CNTLN: variants seen among roughly 807,000 people sequenced by gnomAD.
CNTLN encodes the protein centlein, centrosomal protein.
CNTLN carries 212 observed loss-of-function variants against 180.0 expected under a neutral mutation model. The observed-to-expected ratio is 1.18, with a 90% confidence interval of 1.05 to 1.32. The LOEUF (loss-of-function observed/expected upper bound fraction) is 1.32, where lower values mean the gene tolerates loss of function less well. Among genes scored for constraint, CNTLN ranks in the 40% most tolerant of loss-of-function variants. The pLI is 0.00. For missense variants in CNTLN, 2,095 were observed against 1,610.9 expected (o/e 1.30, Z -5.14); for synonymous variants, 722 against 563.1 (o/e 1.28, Z -3.99).
At chr9:17,482,905 C>A (rs934566961) in intron 23 of CNTLN, among the ~76,000 whole-genome samples, 1 of 151,806 alleles carries the variant, frequency 6.6e-6, no homozygotes, top group African/African-American at 2.4e-5. Flanking sequence ...AAAATTTTAA[C>A]TGAAAAATAA....
chr9:17,362,291 TTAAA>T (rs1286450559), intron 12 of CNTLN, among the ~76,000 whole-genome samples: 1 of 152,140 alleles, frequency 6.6e-6, no homozygotes, highest in East Asian at 1.9e-4. Context: ...TTCCACGTTC[TTAAA>T]TAAACAAATC....
At chr9:17,250,580 T>G (rs1826078688) in intron 5 of CNTLN, among the ~76,000 whole-genome samples, 1 of 152,102 alleles carries the variant, frequency 6.6e-6, no homozygotes, top group Admixed American at 6.5e-5. Flanking sequence ...AAATTTGAAT[T>G]GATACAAAGT....
At chr9:17,135,474 G>A (rs369451931) in intron 1 of CNTLN, 49 bp downstream of exon 1, 1 of 1,541,488 alleles carries the variant, frequency 6.5e-7, no homozygotes, top group Non-Finnish European at 8.7e-7. Context: ...GCGGGGCCGG[G>A]ACCCGTGGGG....
At position 17,143,300 on chromosome 9, in the gene CNTLN, T is replaced by G. The variant is rs1818230325; in HGVS notation, c.373T>G (p.Phe125Val). 1 of 1,612,732 alleles carries G rather than the reference T, an allele frequency of 6.2e-7. No individual in the cohort carries two copies. Among genetic ancestry groups the G allele is most frequent in the Non-Finnish European group, 8.5e-7 (1 of 1,179,180 alleles). Residue 125 changes from phenylalanine to valine, a missense_variant, in exon 2 of 26, where the codon TTT (phenylalanine) becomes GTT (valine). Coordinates refer to ENST00000380647, the MANE Select transcript of CNTLN (RefSeq NM_017738.4). ...TTATTTCTTTAAGGCTGATAAAGAA[T>G]TTGTATGGTCTTTGTGGAAACGTCT... is the stretch of plus-strand genomic sequence containing the variant. ...ELALCQADKEFVWSLWKRLQV... is the reference protein window; with the variant it reads ...ELALCQADKEVVWSLWKRLQV...
chr9:17,308,390 G>A lies in CNTLN; in HGVS notation c.1147-668G>A, dbSNP rs191530456. On this transcript the variant is annotated intron_variant, in intron 7 of 25. Transcript: ENST00000380647. ...CATCCTCTTAATCCAGTATTGAAGAGCCTTTACATTCTTTCTACAGCCTTA... is the reference window on the plus strand; with the variant it reads ...CATCCTCTTAATCCAGTATTGAAGAACCTTTACATTCTTTCTACAGCCTTA... Among the ~76,000 whole-genome samples the A allele has an allele frequency of 1.8e-4, 27 of 152,100 alleles. No individual in the cohort carries two copies. In the East Asian group the frequency reaches 5.0e-3, roughly 28 times the overall value.
rs1473706658 is a variant in CNTLN, at chr9:17,273,898, T to C, written c.983+32T>C. 4.8e-6 allele frequency: 7 copies of C among 1,444,092 alleles called. No homozygotes were observed. The African/African-American group carries it at 5.9e-5, about 12-fold the overall frequency. 89.5% of individuals were successfully genotyped at this position (1,444,092 alleles called of 1,614,324 possible). A position where few individuals can be genotyped will look rare whatever the true frequency, so the allele number is the denominator to read the frequency against. On this transcript the variant is annotated intron_variant, in intron 6 of 25. Transcript: ENST00000380647. ...ATATTCAATTTTTAATTTAACATCA[T>C]AGAAATGTCATTAGTTATTCAGAAT...
chr9:17,453,395 A>T (rs918189839), intron 18 of CNTLN, among the ~76,000 whole-genome samples: 43 of 152,220 alleles, frequency 2.8e-4, no homozygotes, highest in Non-Finnish European at 8.8e-5. Context: ...AAATTAATCC[A>T]GAGTGAGAAT....
chr9:17,387,313 A>G lies in CNTLN; in HGVS notation c.1988-849A>G, dbSNP rs7027305. 1.6e-3 allele frequency among the ~76,000 whole-genome samples: 237 copies of G among 152,276 alleles called. 1 individual carries two copies. Among genetic ancestry groups the G allele is most frequent in the African/African-American group, 5.3e-3 (220 of 41,576 alleles). The stretch of plus-strand genomic sequence containing the variant: ...CAGATATATATCCTTTTAGTTTTAT[A>G]TATTCTTTTTTGTCCCCTTTTTATT... On this transcript the variant is annotated intron_variant, in intron 13 of 25. Transcript: ENST00000380647.
At chr9:17,487,457 C>G (rs1200536168) in intron 25 of CNTLN, among the ~76,000 whole-genome samples, 1 of 152,042 alleles carries the variant, frequency 6.6e-6, no homozygotes, top group African/African-American at 2.4e-5. Context: ...TTACTATGGA[C>G]CTGTTTCCAG....
At chr9:17,338,732 C>G (rs1446268605) in intron 10 of CNTLN, among the ~76,000 whole-genome samples, 1 of 152,020 alleles carries the variant, frequency 6.6e-6, no homozygotes, top group African/African-American at 2.4e-5. Flanking sequence ...ATATGAAAAA[C>G]TCAAGTTCAA....
intron 13 of CNTLN, among the ~76,000 whole-genome samples, chr9:17,386,621 C>T (rs1458139056): frequency 1.3e-5 from 2 of 151,902 alleles, no homozygotes; most frequent in Non-Finnish European, 1.5e-5. Context: ...CTGTATAAAC[C>T]GGTGAAGGGG....
In CNTLN at chr9:17,322,534, A is replaced by G. The variant is rs559218712; in HGVS notation, c.1342-8098A>G. On this transcript the variant is annotated intron_variant, in intron 8 of 25. Coordinates refer to ENST00000380647, the MANE Select transcript of CNTLN (RefSeq NM_017738.4). ...AAAATCTAGAAATTTAGCATATCTA[A>G]TGGAAACTGCAACTCAACTTTAACT... Among the ~76,000 whole-genome samples the G allele has an allele frequency of 3.9e-5, 6 of 152,300 alleles. 1 individual carries two copies. The highest frequency in any genetic ancestry group is 1.2e-4 in the African/African-American group (5 of 41,594).
chr9:17,402,420 C>T (rs1352420432), intron 15 of CNTLN, among the ~76,000 whole-genome samples: 1 of 151,688 alleles, frequency 6.6e-6, no homozygotes, highest in Admixed American at 6.6e-5. Context: ...CTATCTATAC[C>T]AAAAGACCAG....
chr9:17,295,447 C>G (rs993258931), intron 6 of CNTLN, among the ~76,000 whole-genome samples: 16 of 152,188 alleles, frequency 1.1e-4, no homozygotes, highest in Non-Finnish European at 1.8e-4. Flanking sequence ...TCGCATTACT[C>G]TGTGTGGCTC....
At chr9:17,474,650 CTT>C (rs1832231254) in intron 23 of CNTLN, among the ~76,000 whole-genome samples, 1 of 152,114 alleles carries the variant, frequency 6.6e-6, no homozygotes, top group Non-Finnish European at 1.5e-5. Context: ...GGGTGGATCA[CTT>C]GAAGCCAGGA....
chr9:17,479,340 A>C (rs889373662), intron 23 of CNTLN, among the ~76,000 whole-genome samples: 1 of 152,236 alleles, frequency 6.6e-6, no homozygotes, highest in Admixed American at 6.5e-5. Context: ...TGTATAAACA[A>C]CAATTGATTA....
chr9:17,136,959 C>G (rs970506503), intron 1 of CNTLN, among the ~76,000 whole-genome samples: 55 of 152,176 alleles, frequency 3.6e-4, no homozygotes, highest in African/African-American at 1.3e-3. Flanking sequence ...TTTCCTCCCA[C>G]TTCTGCCTCC....
At chr9:17,427,946 C>G (rs933006441) in intron 18 of CNTLN, among the ~76,000 whole-genome samples, 6 of 152,152 alleles carry the variant, frequency 3.9e-5, no homozygotes, top group Non-Finnish European at 7.3e-5. Context: ...GAACTAGACA[C>G]AGGTATGGTT....
intron 18 of CNTLN, 43 bp downstream of exon 18, chr9:17,416,232 A>C (rs938587519): frequency 2.1e-5 from 30 of 1,456,834 alleles, no homozygotes; most frequent in Non-Finnish European, 2.8e-5. Context: ...ACTATATTGT[A>C]AAAGTGGATA....
Sources: allele counts gnomAD v4.1 joint callset (sites outside exome capture counted in the v4.1 genomes callset), GRCh38; gene constraint gnomAD v4.1.1; transcripts MANE v1.5; gene names NCBI Gene and HGNC (gene_info 2026-07-23, HGNC 2026-07-21).